The following CDKAL1 variants were observed in gnomAD, a reference collection of about 807,000 sequenced individuals.
CDKAL1 encodes threonylcarbamoyladenosine tRNA methylthiotransferase.
In CDKAL1, 32 loss-of-function variants were observed where a neutral mutation model predicts 68.2. The ratio of observed to expected loss-of-function variants is 0.47; its 90% confidence interval spans 0.35 to 0.63. The LOEUF is 0.63. Ranked by LOEUF, CDKAL1 falls within the 30% of genes least tolerant of loss-of-function variation. CDKAL1 has a pLI of 0.00. For missense variants in CDKAL1, 606 were observed against 696.7 expected, an observed-to-expected ratio of 0.87 and a Z score of 1.47; for synonymous variants, 234 against 244.3, an observed-to-expected ratio of 0.96 and a Z score of 0.39.
intron 5 of CDKAL1, among the ~76,000 whole-genome samples, chr6:20,738,093 C>T (rs1346507202): frequency 6.6e-6 from 1 of 152,168 alleles, no homozygotes; most frequent in East Asian, 1.9e-4. Context: ...AATACCCTTA[C>T]CTTTCTCAGT....
intron 13 of CDKAL1, among the ~76,000 whole-genome samples, chr6:21,141,635 G>A (rs1043398851): frequency 2.0e-5 from 3 of 152,244 alleles, no homozygotes; most frequent in Admixed American, 2.0e-4. Context: ...TGCCAAGGAA[G>A]AGTCTTGGCA....
intron 9 of CDKAL1, among the ~76,000 whole-genome samples, chr6:20,940,817 A>T (rs1309149812): frequency 1.3e-5 from 2 of 152,210 alleles, no homozygotes; most frequent in Non-Finnish European, 2.9e-5. Context: ...AGGGCCAGGC[A>T]CTGTGGCTCA....
At position 20,989,642 on chromosome 6, in the gene CDKAL1, G is replaced by T. The variant is rs72834334; in HGVS notation, c.910-10585G>T. 3.0e-3 allele frequency among the ~76,000 whole-genome samples: 450 copies of T among 152,254 alleles called. 3 individuals are homozygous for T. Among genetic ancestry groups the T allele is most frequent in the South Asian group, 7.5e-3 (36 of 4,830 alleles). ...AATTGATCAGCTATTGATTCGTTCT[G>T]TTGGTGTGTAGCAGTCTTTTCTTAA... On this transcript the variant is annotated intron_variant, in intron 10 of 15. Coordinates refer to ENST00000274695, the MANE Select transcript of CDKAL1 (RefSeq NM_017774.3).
At chr6:20,786,117 C>T (rs560236223) in intron 8 of CDKAL1, among the ~76,000 whole-genome samples, 46 of 152,066 alleles carry the variant, frequency 3.0e-4, no homozygotes, top group Non-Finnish European at 5.1e-4. Context: ...CCCAGCTACT[C>T]GGGAGGCTGA....
chr6:20,820,373 T>G (rs757775016), intron 8 of CDKAL1, among the ~76,000 whole-genome samples: 1 of 152,106 alleles, frequency 6.6e-6, no homozygotes, highest in Non-Finnish European at 1.5e-5. Context: ...TTACAGACAT[T>G]AGCTTGTTTC....
chr6:21,188,085 TTTA>T (rs1281193799), intron 13 of CDKAL1, among the ~76,000 whole-genome samples: 1 of 152,212 alleles, frequency 6.6e-6, no homozygotes, highest in Non-Finnish European at 1.5e-5. Context: ...GTTGGGAACA[TTTA>T]TTGTTTTCTT....
chr6:21,193,114 ACCCAG>A (rs1778327721), intron 13 of CDKAL1, among the ~76,000 whole-genome samples: 1 of 152,070 alleles, frequency 6.6e-6, no homozygotes, highest in Non-Finnish European at 1.5e-5. Flanking sequence ...CCACCACCAC[ACCCAG>A]CCAAGCTTTG....
intron 8 of CDKAL1, among the ~76,000 whole-genome samples, chr6:20,834,974 ATTGAC>A (rs1777869029): frequency 2.0e-5 from 3 of 152,208 alleles, no homozygotes; most frequent in Admixed American, 6.5e-5. Flanking sequence ...GCAATGTGCT[ATTGAC>A]ACACTGTGTA....
intron 13 of CDKAL1, among the ~76,000 whole-genome samples, chr6:21,178,640 CAA>C (rs1777676815): frequency 6.6e-6 from 1 of 152,188 alleles, no homozygotes; most frequent in Admixed American, 6.5e-5. Flanking sequence ...GATCCCCCCA[CAA>C]AAGTTTCCAA....
Position 20,739,488 on chromosome 6 carries a change from A to C in CDKAL1, c.372-31A>C, listed in dbSNP as rs757412009. ...CCAAGAGTATACCCATGAGCAAAGG[A>C]ATTCACATTGTCTTCTCTTCAATCT... On this transcript the variant is annotated intron_variant, in intron 5 of 15. Coordinates refer to ENST00000274695, the MANE Select transcript of CDKAL1 (RefSeq NM_017774.3). 4 of 1,392,832 alleles carry C rather than the reference A, an allele frequency of 2.9e-6. No individual in the cohort carries two copies. In the South Asian group the frequency reaches 4.7e-5, roughly 17 times the overall value. The allele number at this position is 1,392,832 out of a possible 1,614,324, so 86.3% of individuals were successfully genotyped here. A position where few individuals can be genotyped will look rare whatever the true frequency, so the allele number is the denominator to read the frequency against.
chr6:20,723,305 C>T (rs1272786628), intron 5 of CDKAL1, among the ~76,000 whole-genome samples: 2 of 152,244 alleles, frequency 1.3e-5, no homozygotes, highest in Admixed American at 1.3e-4. Context: ...ACTAAAGAAG[C>T]ACTGTATCAC....
intron 5 of CDKAL1, among the ~76,000 whole-genome samples, chr6:20,682,538 A>G (rs1770426921): frequency 6.9e-6 from 1 of 145,744 alleles, no homozygotes; most frequent in Non-Finnish European, 1.5e-5. Flanking sequence ...TGGGAGTGCT[A>G]CACACTTTTA....
chr6:21,127,459 A>G (rs989599793), intron 13 of CDKAL1, among the ~76,000 whole-genome samples: 1 of 152,212 alleles, frequency 6.6e-6, no homozygotes, highest in Non-Finnish European at 1.5e-5. Context: ...TTTATAAACA[A>G]TGTAAAAAGG....
At chr6:20,981,627 G>T (rs976192167) in intron 10 of CDKAL1, among the ~76,000 whole-genome samples, 68 of 152,228 alleles carry the variant, frequency 4.5e-4, no homozygotes, top group Non-Finnish European at 8.2e-4. Context: ...GGATCACGAG[G>T]TCAGGAGTTT....
At chr6:20,814,867 C>G (rs1280684690) in intron 8 of CDKAL1, among the ~76,000 whole-genome samples, 1 of 152,168 alleles carries the variant, frequency 6.6e-6, no homozygotes, top group East Asian at 1.9e-4. Context: ...TACAAATTTT[C>G]ACTGACTTAG....
chr6:20,578,602 G>A (rs1239986334), intron 4 of CDKAL1, among the ~76,000 whole-genome samples: 4 of 152,150 alleles, frequency 2.6e-5, no homozygotes, highest in Admixed American at 1.3e-4. Flanking sequence ...TTTTTAAGAG[G>A]ATTGTTAGTA....
chr6:20,946,470 T>C (rs1005070654), intron 9 of CDKAL1, among the ~76,000 whole-genome samples: 1 of 152,190 alleles, frequency 6.6e-6, no homozygotes, highest in Non-Finnish European at 1.5e-5. Flanking sequence ...ACTCAAAACA[T>C]CTGCCCTCCT....
rs943251339 is a variant in CDKAL1, at chr6:20,739,592, C to T, written c.445C>T (p.Leu149Phe). The T allele has an allele frequency of 6.8e-6, 11 of 1,610,538 alleles. No homozygotes were observed. The highest frequency in any genetic ancestry group is 5.1e-6 in the Non-Finnish European group (6 of 1,177,332). Residue 149 changes from leucine to phenylalanine, a missense_variant, in exon 6 of 16, where the codon CTT becomes TTT. Physicochemically the swap from Leu to Phe is conservative, Grantham distance 22. Transcript: ENST00000274695. ...VPQAQPRQDY[L>F]KGLSIIGVQQ... is the part of the protein sequence containing the mutation. ...TCAAGCCCAGCCTCGCCAGGACTAC[C>T]TTAAGGGACTGAGTATCATTGGGGT...
At chr6:20,613,579 CAA>C (rs1766748714) in intron 4 of CDKAL1, among the ~76,000 whole-genome samples, 1 of 150,110 alleles carries the variant, frequency 6.7e-6, no homozygotes, top group Admixed American at 6.7e-5. Flanking sequence ...CTGGCTGCGA[CAA>C]AGTTTCTTAT....
Sources: allele counts gnomAD v4.1 joint callset (sites outside exome capture counted in the v4.1 genomes callset), GRCh38; gene constraint gnomAD v4.1.1; transcripts MANE v1.5; gene names NCBI Gene and HGNC (gene_info 2026-07-23, HGNC 2026-07-21).